Variants in RWDD2B observed in about 807,000 individuals in gnomAD.
The protein encoded by RWDD2B is RWD domain-containing protein 2B.
Under a neutral mutation model 33.6 loss-of-function variants are expected in RWDD2B, and 36 were observed. That is an observed-to-expected ratio of 1.07 (90% CI 0.82 to 1.42). The LOEUF (loss-of-function observed/expected upper bound fraction) is 1.42, where lower values mean the gene tolerates loss of function less well. RWDD2B is among the 40% of genes most tolerant of loss of function. RWDD2B has a pLI of 0.00. For missense variants in RWDD2B, 364 were observed against 377.5 expected (o/e 0.96, Z 0.30); for synonymous variants, 126 against 133.1 (o/e 0.95, Z 0.37).
At chr21:29,019,081 C>A in intron 1 of RWDD2B, 130 bp downstream of exon 1, 3 of 724,434 alleles carry the variant, frequency 4.1e-6, no homozygotes, top group Non-Finnish European at 6.8e-6. Context: ...CCGAGCCGAC[C>A]GATGGGCGCA....
chr21:29,017,980 A>C (rs547027035), intron 1 of RWDD2B, among the ~76,000 whole-genome samples: 1 of 152,226 alleles, frequency 6.6e-6, no homozygotes, highest in Admixed American at 6.5e-5. Flanking sequence ...CAGAATTTTG[A>C]ATTTTATCCC....
intron 1 of RWDD2B, among the ~76,000 whole-genome samples, chr21:29,010,247 C>T (rs1350247628): frequency 6.6e-6 from 1 of 152,022 alleles, no homozygotes; most frequent in South Asian, 2.1e-4. Flanking sequence ...AGTTGCCATA[C>T]AGAACAGAAA....
At chr21:29,016,334 G>A (rs574329628) in intron 1 of RWDD2B, among the ~76,000 whole-genome samples, 11 of 151,762 alleles carry the variant, frequency 7.2e-5, no homozygotes, top group African/African-American at 2.4e-4. Flanking sequence ...GTGCAATCTC[G>A]GCTCACTGCA....
chr21:29,017,044 G>A (rs920466958), intron 1 of RWDD2B, among the ~76,000 whole-genome samples: 1 of 151,718 alleles, frequency 6.6e-6, no homozygotes, highest in African/African-American at 2.4e-5. Flanking sequence ...TCTGCTTTCT[G>A]GGTTTTTTAG....
chr21:29,013,826 G>A (rs901925966), intron 1 of RWDD2B, among the ~76,000 whole-genome samples: 1 of 151,820 alleles, frequency 6.6e-6, no homozygotes, highest in East Asian at 1.9e-4. Context: ...CTACTGCCAA[G>A]CAAGATCTTT....
chr21:29,018,550 G>A (rs1354848821), intron 1 of RWDD2B, among the ~76,000 whole-genome samples: 4 of 152,166 alleles, frequency 2.6e-5, no homozygotes, highest in Non-Finnish European at 5.9e-5. Context: ...AAAGAAGAAC[G>A]GGACGGAGGG....
chr21:29,010,310 T>C (rs1246505106), intron 1 of RWDD2B, among the ~76,000 whole-genome samples: 1 of 151,852 alleles, frequency 6.6e-6, no homozygotes, highest in Non-Finnish European at 1.5e-5. Flanking sequence ...AAATTCTTAA[T>C]ACATAGTTCC....
rs759167481 is a variant in RWDD2B at position 29,007,782 on chromosome 21, G to C, written c.704C>G (p.Ala235Gly). 8.7e-6 allele frequency: 14 copies of C among 1,613,434 alleles called. No individual in the cohort carries two copies. Among genetic ancestry groups the C allele is most frequent in the Non-Finnish European group, 1.2e-5 (14 of 1,179,828 alleles). The change falls in exon 4 of 5, where the codon GCC becomes GGC. Residue 235 changes from alanine (A) to glycine (G), a missense_variant. Transcript: ENST00000493196. ...AAACCTTGACCAGAATTCTTCACAG[G>C]CACTTTGTGGGCCTTCCACACAAAC... is the stretch of plus-strand genomic sequence containing the variant. ...GVVCVEGPQS[A>G]CEEFWSRLRK...
Position 29,008,507 on chromosome 21 carries a change from T to C in RWDD2B, c.182A>G (p.Gln61Arg). ...ATCTTTCAGTTCTGCTACAGCCAGC[T>C]GGTCATTCACTATGAGCTCATTCTC... ...PGENELIVND[Q>R]LAVAELKDCI... is the part of the protein sequence containing the mutation. The change falls in exon 2 of 5, where the codon CAG becomes CGG. Residue 61 changes from glutamine (Q) to arginine (R), a missense_variant. By Grantham distance (43) the Gln-to-Arg change is conservative (BLOSUM62 1). Transcript: ENST00000493196. 1 of 1,614,226 alleles carries C rather than the reference T, an allele frequency of 6.2e-7. No homozygotes were observed. Among genetic ancestry groups the C allele is most frequent in the Non-Finnish European group, 8.5e-7 (1 of 1,180,030 alleles).
chr21:29,017,387 G>A (rs1485358516), intron 1 of RWDD2B, among the ~76,000 whole-genome samples: 2 of 151,878 alleles, frequency 1.3e-5, no homozygotes, highest in East Asian at 3.9e-4. Context: ...TGAGGTGGGC[G>A]GATCACCTAA....
In RWDD2B at chr21:29,005,114, T is replaced by A. The variant is rs1821981615; in HGVS notation, c.*1303A>T. On this transcript the variant is annotated 3_prime_UTR_variant, in exon 5 of 5. Transcript: ENST00000493196. ...AAAACTGGGTGGTGTGTTTATTTAATGCTAGGTCAATTTGGCAAAAATAAA... is the reference window on the plus strand; with the variant it reads ...AAAACTGGGTGGTGTGTTTATTTAAAGCTAGGTCAATTTGGCAAAAATAAA... The A allele has an allele frequency of 6.6e-6, 1 of 152,256 alleles. No individual in the cohort carries two copies. The highest frequency in any genetic ancestry group is 1.5e-5 in the Non-Finnish European group (1 of 68,044). 9.4% of individuals were successfully genotyped at this position (152,256 alleles called of 1,614,324 possible).
intron 1 of RWDD2B, among the ~76,000 whole-genome samples, chr21:29,012,262 C>G (rs1452935264): frequency 6.6e-5 from 10 of 152,068 alleles, no homozygotes; most frequent in Admixed American, 1.3e-4. Context: ...ACCACCCGGT[C>G]TGGGTGGTGT....
chr21:29,014,795 T>C (rs1303284573), intron 1 of RWDD2B, among the ~76,000 whole-genome samples: 1 of 152,194 alleles, frequency 6.6e-6, no homozygotes, highest in Admixed American at 6.5e-5. Flanking sequence ...CACTCCAGCC[T>C]GGGCGGCAGA....
At chr21:29,011,724 A>C (rs1415747866) in intron 1 of RWDD2B, among the ~76,000 whole-genome samples, 12 of 114,244 alleles carry the variant, frequency 1.1e-4, no homozygotes, top group African/African-American at 4.0e-4. Context: ...GGAAGTGAGG[A>C]GCCCCTCTGC....
At chr21:29,019,022 G>A (rs1283777072) in intron 1 of RWDD2B, among the ~76,000 whole-genome samples, 189 bp downstream of exon 1, 1 of 152,154 alleles carries the variant, frequency 6.6e-6, no homozygotes, top group Non-Finnish European at 1.5e-5. Context: ...CCCGGGGCGA[G>A]GTCCCCGGCT....
In RWDD2B at chr21:29,006,623, A is replaced by G. The variant is rs1360775598; in HGVS notation, c.754T>C (p.Leu252=). 1 of 1,605,678 alleles carries G rather than the reference A, an allele frequency of 6.2e-7. No individual in the cohort carries two copies. Among genetic ancestry groups the G allele is most frequent in the East Asian group, 2.2e-5 (1 of 44,830 alleles). Residue 252 remains leucine (L), a synonymous_variant, in exon 5 of 5, where the codon TTA becomes CTA. Transcript: ENST00000493196. ...RLRKLNWKRI[L]IRHREDIPFD... The stretch of plus-strand genomic sequence containing the variant: ...GGAATGTCTTCTCGATGGCGAATTA[A>G]AATTCTCTTCCAGTTTAATTTTCTG...
intron 1 of RWDD2B, among the ~76,000 whole-genome samples, chr21:29,017,609 C>CA (rs946263471): frequency 6.9e-4 from 102 of 146,904 alleles, no homozygotes; most frequent in East Asian, 2.0e-3. Flanking sequence ...AAGACTGTCT[C>CA]AAAAAAAAAC....
chr21:29,014,397 C>A (rs2084879585), intron 1 of RWDD2B, among the ~76,000 whole-genome samples: 1 of 152,206 alleles, frequency 6.6e-6, no homozygotes, highest in African/African-American at 2.4e-5. Context: ...TATATCCCTG[C>A]ATATCACTTA....
At chr21:29,015,794 G>A (rs1007737937) in intron 1 of RWDD2B, among the ~76,000 whole-genome samples, 1 of 152,122 alleles carries the variant, frequency 6.6e-6, no homozygotes, top group Non-Finnish European at 1.5e-5. Flanking sequence ...GCCTTCCAAA[G>A]TGCTGGGATT....
Sources: allele counts gnomAD v4.1 joint callset (sites outside exome capture counted in the v4.1 genomes callset), GRCh38; gene constraint gnomAD v4.1.1; transcripts MANE v1.5; gene names NCBI Gene and HGNC (gene_info 2026-07-23, HGNC 2026-07-21).